Variants in MCTP2 observed in about 807,000 individuals in gnomAD.
The protein encoded by MCTP2 is multiple C2 and transmembrane domain-containing protein 2.
A neutral mutation model predicts 111.6 loss-of-function variants in MCTP2; 132 were observed. The observed-to-expected ratio is 1.18, with a 90% CI of 1.03 to 1.37. MCTP2 has a LOEUF of 1.37. Among genes scored for constraint, MCTP2 ranks in the 40% most tolerant of loss-of-function variants. MCTP2 has a pLI of 0.00. For missense variants in MCTP2, 1,183 were observed against 1,067.9 expected, an observed-to-expected ratio of 1.11 and a Z score of -1.50; for synonymous variants, 395 against 387.7, an observed-to-expected ratio of 1.02 and a Z score of -0.22.
chr15:94,429,545 T>A (rs182337732), intron 17 of MCTP2, among the ~76,000 whole-genome samples: 242 of 152,314 alleles, frequency 1.6e-3, no homozygotes, highest in Non-Finnish European at 2.2e-3. Context: ...AAATACTTTA[T>A]CTATTTTCAA....
At chr15:94,355,473 A>G (rs1342215043) in intron 8 of MCTP2, among the ~76,000 whole-genome samples, 3 of 152,204 alleles carry the variant, frequency 2.0e-5, no homozygotes, top group Non-Finnish European at 4.4e-5. Context: ...AGTGTGAGTA[A>G]TATAATTTAG....
chr15:94,442,918 G>A lies in MCTP2; in HGVS notation c.2209-1G>A. ...TATAAACACGTGGGATTTCCTTTCA[G>A]GAGAGCACAGACATAGATGACGAGG... On this transcript the variant is annotated splice_acceptor_variant, in intron 18 of 22. Coordinates refer to ENST00000357742, the MANE Select transcript of MCTP2 (RefSeq NM_001385001.1). LOFTEE classifies it high-confidence loss of function. The A allele has an allele frequency of 6.2e-7, 1 of 1,613,174 alleles. No individual in the cohort carries two copies. The highest frequency in any genetic ancestry group is 8.5e-7 in the Non-Finnish European group (1 of 1,179,450).
At chr15:94,442,793 G>A in intron 18 of MCTP2, 126 bp from the exon 19 acceptor site, 1 of 746,830 alleles carries the variant, frequency 1.3e-6, no homozygotes, top group Non-Finnish European at 2.4e-6. Context: ...TGTTTAAGAG[G>A]TTGTAATGCA....
chr15:94,460,614 G>A (rs976460957), intron 20 of MCTP2, among the ~76,000 whole-genome samples: 1 of 152,238 alleles, frequency 6.6e-6, no homozygotes, highest in Admixed American at 6.5e-5. Context: ...AAAAGTGACT[G>A]TTGTGCCGTT....
intron 1 of MCTP2, among the ~76,000 whole-genome samples, chr15:94,254,165 A>G (rs577606013): frequency 6.6e-6 from 1 of 152,332 alleles, no homozygotes; most frequent in South Asian, 2.1e-4. Flanking sequence ...TTTGAATTGC[A>G]TCACTTTCTG....
Position 94,339,403 on chromosome 15 carries a change from C to A in MCTP2, c.751C>A (p.Gln251Lys). ...GGATGAGATAGTTGTATTGCCAATC[C>A]AAAGCCTTGATCAAAAGCTACGTGT... ...VWDEIVVLPIQSLDQKLRVKV... is the reference protein window; with the variant it reads ...VWDEIVVLPIKSLDQKLRVKV... The change falls in exon 5 of 23, where the codon CAA becomes AAA. Residue 251 changes from glutamine to lysine, a missense_variant. Coordinates refer to ENST00000357742, the MANE Select transcript of MCTP2 (RefSeq NM_001385001.1). 1 of 1,607,522 alleles carries A rather than the reference C, an allele frequency of 6.2e-7. No individual in the cohort carries two copies.
At chr15:94,340,551 CTT>C (rs1205430785) in intron 6 of MCTP2, among the ~76,000 whole-genome samples, 6 of 152,132 alleles carry the variant, frequency 3.9e-5, no homozygotes, top group African/African-American at 1.2e-4. Flanking sequence ...ATTAACATAA[CTT>C]AAAATTAAAA....
At chr15:94,287,843 C>T (rs2074834774) in intron 1 of MCTP2, among the ~76,000 whole-genome samples, 1 of 152,154 alleles carries the variant, frequency 6.6e-6, no homozygotes, top group African/African-American at 2.4e-5. Context: ...GTCCCAGATC[C>T]AGATGTTAGC....
chr15:94,326,959 A>C (rs1436075170), intron 4 of MCTP2, among the ~76,000 whole-genome samples: 1 of 151,870 alleles, frequency 6.6e-6, no homozygotes, highest in African/African-American at 2.4e-5. Context: ...TTGGACCTTT[A>C]AATATGTTTG....
intron 17 of MCTP2, chr15:94,402,230 T>C (rs568026296): frequency 1.1e-6 from 1 of 919,102 alleles, no homozygotes; most frequent in Admixed American, 6.2e-5. Flanking sequence ...TGTATATATA[T>C]GTTTAAATGT....
rs76396411 is a variant in MCTP2, at chr15:94,473,979, G to T, written c.2471-2717G>T. 7.4e-3 allele frequency among the ~76,000 whole-genome samples: 1,127 copies of T among 151,654 alleles called. 32 individuals are homozygous for T. The highest frequency in any genetic ancestry group is 0.05 in the Admixed American group (755 of 15,216). On this transcript the variant is annotated intron_variant, in intron 21 of 22. Coordinates refer to ENST00000357742, the MANE Select transcript of MCTP2 (RefSeq NM_001385001.1). ...TGATTTTTTTTTTTTAAACTGTAGG[G>T]CTCATTCCACATTCCACCCCACTGA...
At chr15:94,430,464 A>G (rs2083120499) in intron 17 of MCTP2, among the ~76,000 whole-genome samples, 2 of 147,684 alleles carry the variant, frequency 1.4e-5, no homozygotes, top group Non-Finnish European at 3.0e-5. Flanking sequence ...GGGCATGGTG[A>G]CTCATGCCTG....
At chr15:94,280,451 A>G (rs2074422666) in intron 1 of MCTP2, among the ~76,000 whole-genome samples, 1 of 150,014 alleles carries the variant, frequency 6.7e-6, no homozygotes, top group Non-Finnish European at 1.5e-5. Context: ...GGTCGTGGGT[A>G]ACGTCTGCTT....
chr15:94,295,392 C>G (rs1365328356), intron 1 of MCTP2, among the ~76,000 whole-genome samples: 1 of 152,174 alleles, frequency 6.6e-6, no homozygotes, highest in East Asian at 1.9e-4. Context: ...GCTCTCATTA[C>G]TTGTGTTGAA....
intron 17 of MCTP2, among the ~76,000 whole-genome samples, chr15:94,429,290 A>G (rs944142732): frequency 6.6e-6 from 1 of 151,984 alleles, no homozygotes; most frequent in African/African-American, 2.4e-5. Context: ...CCTGCCTCAT[A>G]ATTTTATTTA....
intron 1 of MCTP2, among the ~76,000 whole-genome samples, chr15:94,281,125 A>T (rs904400106): frequency 1.3e-5 from 2 of 152,110 alleles, no homozygotes; most frequent in African/African-American, 4.8e-5. Context: ...TATCTTTCTT[A>T]GTTTGGAATA....
intron 2 of MCTP2, among the ~76,000 whole-genome samples, chr15:94,302,447 A>G (rs1386080095): frequency 6.6e-6 from 1 of 152,220 alleles, no homozygotes; most frequent in Non-Finnish European, 1.5e-5. Context: ...GGGGCAAGGA[A>G]GAAGGAATGT....
chr15:94,472,354 G>GCAA (rs1257050307), intron 21 of MCTP2, among the ~76,000 whole-genome samples: 1 of 152,136 alleles, frequency 6.6e-6, no homozygotes, highest in Non-Finnish European at 1.5e-5. Context: ...TCCAGCCTGG[G>GCAA]CAACAGAACA....
intron 7 of MCTP2, chr15:94,343,346 T>A (rs1286543318): frequency 6.6e-6 from 1 of 152,144 alleles, no homozygotes; most frequent in Non-Finnish European, 1.5e-5. Flanking sequence ...CAGTAGATTA[T>A]TTGGGTGAGA....
Sources: allele counts gnomAD v4.1 joint callset (sites outside exome capture counted in the v4.1 genomes callset), GRCh38; gene constraint gnomAD v4.1.1; transcripts MANE v1.5; gene names NCBI Gene and HGNC (gene_info 2026-07-23, HGNC 2026-07-21).